Variants in TENM2 observed in about 807,000 individuals in gnomAD.
TENM2 encodes the protein teneurin-2.
Under a neutral mutation model 245.2 loss-of-function variants are expected in TENM2, and 52 were observed. The observed-to-expected ratio is 0.21, with a 90% CI of 0.17 to 0.27. The LOEUF is 0.27. Among genes scored for constraint, TENM2 ranks in the 10% least tolerant of loss-of-function variants. TENM2 has a pLI of 1.00. For synonymous variants in TENM2, 1,363 were observed against 1,438.9 expected, an observed-to-expected ratio of 0.95 and a Z score of 1.19; for missense variants, 3,046 against 3,666.8, an observed-to-expected ratio of 0.83 and a Z score of 4.37.
the TENM2 span, among the ~76,000 whole-genome samples, chr5:167,094,034 G>A: frequency 6.6e-6 from 1 of 152,184 alleles, no homozygotes; most frequent in Non-Finnish European, 1.5e-5. Context: ...GAATAAACAG[G>A]TAGCAGGGAA....
chr5:167,068,875 G>A, the TENM2 span, among the ~76,000 whole-genome samples: 4 of 152,164 alleles, frequency 2.6e-5, no homozygotes, highest in South Asian at 8.3e-4. Flanking sequence ...GATCTTTTAT[G>A]TGGACTTAGA....
At chr5:167,402,517 G>A (rs1252768367) in intron 2 of TENM2, among the ~76,000 whole-genome samples, 1 of 152,076 alleles carries the variant, frequency 6.6e-6, no homozygotes, top group African/African-American at 2.4e-5. Context: ...AACACATATG[G>A]TAAGCAAGAG....
At chr5:167,705,813 C>T (rs527905599) in intron 2 of TENM2, among the ~76,000 whole-genome samples, 1 of 151,788 alleles carries the variant, frequency 6.6e-6, no homozygotes, top group Non-Finnish European at 1.5e-5. Context: ...CTACTCTCTG[C>T]TTCTAGGAGT....
chr5:167,705,221 T>C (rs10058151), intron 2 of TENM2, among the ~76,000 whole-genome samples: 9,558 of 152,282 alleles, frequency 0.063, 323 homozygotes, highest in South Asian at 0.089. Flanking sequence ...ATGGTTGTCA[T>C]GTTCCTGCTG....
intron 17 of TENM2, among the ~76,000 whole-genome samples, chr5:168,202,024 G>A (rs1037445772): frequency 3.3e-5 from 5 of 152,142 alleles, no homozygotes; most frequent in Non-Finnish European, 5.9e-5. Context: ...TGATAGGTGT[G>A]GCTGTGTCCT....
chr5:167,424,932 A>G (rs1320912195), intron 2 of TENM2, among the ~76,000 whole-genome samples: 2 of 152,214 alleles, frequency 1.3e-5, no homozygotes, highest in African/African-American at 4.8e-5. Context: ...TCATGCATCC[A>G]TATCAGTTGA....
the TENM2 span, among the ~76,000 whole-genome samples, chr5:167,203,907 TAGC>T: frequency 2.7e-5 from 4 of 150,830 alleles, no homozygotes; most frequent in Non-Finnish European, 5.9e-5. Flanking sequence ...AAGAGGAAAA[TAGC>T]AGGATGAAAA....
chr5:167,632,384 T>C (rs1314773533), intron 2 of TENM2, among the ~76,000 whole-genome samples: 2 of 152,178 alleles, frequency 1.3e-5, no homozygotes, highest in Non-Finnish European at 2.9e-5. Flanking sequence ...TTACAAAATA[T>C]GTGAATACAT....
chr5:167,070,548 A>T, the TENM2 span, among the ~76,000 whole-genome samples: 1 of 152,008 alleles, frequency 6.6e-6, no homozygotes, highest in African/African-American at 2.4e-5. Flanking sequence ...AATAATAGCT[A>T]CTTTTTATTA....
At chr5:167,765,758 G>A (rs540304400) in intron 2 of TENM2, among the ~76,000 whole-genome samples, 2 of 152,310 alleles carry the variant, frequency 1.3e-5, no homozygotes, top group South Asian at 4.1e-4. Context: ...CACAGAGCCT[G>A]TTGCCAGGGC....
At chr5:168,198,396 A>G (rs1364529990) in intron 15 of TENM2, among the ~76,000 whole-genome samples, 1 of 151,924 alleles carries the variant, frequency 6.6e-6, no homozygotes, top group Non-Finnish European at 1.5e-5. Context: ...GGGTTTCACC[A>G]TATTGGCCAG....
At chr5:167,926,718 CCACACACACACACACACA>C (rs750351497) in intron 3 of TENM2, among the ~76,000 whole-genome samples, 10 of 136,810 alleles carry the variant, frequency 7.3e-5, no homozygotes, top group East Asian at 4.4e-4. Context: ...TGAGATTCCA[CCACACACACACACACACA>C]CACACACACA....
At chr5:167,050,064 C>T in the TENM2 span, among the ~76,000 whole-genome samples, 1 of 152,026 alleles carries the variant, frequency 6.6e-6, no homozygotes, top group Non-Finnish European at 1.5e-5. Flanking sequence ...ATACAAAGAT[C>T]GGGAGATTTA....
exon 17 of TENM2, chr5:168,200,053 C>G: frequency 6.2e-7 from 1 of 1,613,884 alleles, no homozygotes; most frequent in Non-Finnish European, 8.5e-7. Flanking sequence ...CCAGGCTTCT[C>G]CCAACCTGGC....
intron 2 of TENM2, among the ~76,000 whole-genome samples, chr5:167,534,010 C>T (rs1019099853): frequency 6.6e-6 from 1 of 152,154 alleles, no homozygotes; most frequent in African/African-American, 2.4e-5. Context: ...TTAGGCCTTG[C>T]TGAGTCACTG....
At chr5:168,179,797 G>A (rs992918321) in intron 13 of TENM2, among the ~76,000 whole-genome samples, 2 of 152,150 alleles carry the variant, frequency 1.3e-5, no homozygotes, top group African/African-American at 2.4e-5. Context: ...GATGTTAATA[G>A]CACCCAGGAT....
intron 26 of TENM2, among the ~76,000 whole-genome samples, chr5:168,245,161 C>T (rs1562329099): frequency 6.9e-6 from 1 of 145,624 alleles, no homozygotes; most frequent in Non-Finnish European, 1.5e-5. Flanking sequence ...CTCCTGCTCC[C>T]ACCCTCACAG....
chr5:168,226,365 G>T, intron 24 of TENM2, 102 bp downstream of exon 26: 1 of 995,880 alleles, frequency 1.0e-6, no homozygotes, highest in Admixed American at 2.5e-5. Context: ...GACTTCCAGA[G>T]ACCCAGCGTA....
At chr5:167,326,868 A>G (rs1757120409) in intron 1 of TENM2, among the ~76,000 whole-genome samples, 1 of 151,824 alleles carries the variant, frequency 6.6e-6, no homozygotes, top group South Asian at 2.1e-4. Context: ...ATACTGATGA[A>G]GAAATAGTTT....
Sources: gnomAD v4.1 joint callset for allele counts (sites outside exome capture counted in the v4.1 genomes callset) on GRCh38, gnomAD v4.1.1 for gene constraint, MANE v1.5 for transcripts, NCBI Gene and HGNC (gene_info 2026-07-23, HGNC 2026-07-21) for gene names.